Variants in GLIS3 observed in about 807,000 individuals in gnomAD.
The protein encoded by GLIS3 is zinc finger protein GLIS3.
GLIS3 carries 53 observed loss-of-function variants against 78.6 expected under a neutral mutation model. That is an observed-to-expected ratio of 0.67 (90% CI 0.54 to 0.85). The LOEUF is 0.85. GLIS3 is among the 40% of genes least tolerant of loss of function. The pLI, the probability that GLIS3 is intolerant of heterozygous loss-of-function variation, is 0.00. For missense variants in GLIS3, 1,703 were observed against 1,231.1 expected, an observed-to-expected ratio of 1.38 and a Z score of -5.74; for synonymous variants, 684 against 509.9, an observed-to-expected ratio of 1.34 and a Z score of -4.60.
intron 2 of GLIS3, among the ~76,000 whole-genome samples, chr9:4,203,958 G>C (rs1586967447): frequency 6.6e-6 from 1 of 152,224 alleles, no homozygotes; most frequent in African/African-American, 2.4e-5. Flanking sequence ...GACTACTACA[G>C]TGGGGAAAGA....
At chr9:4,366,977 C>A in the GLIS3 span, among the ~76,000 whole-genome samples, 1 of 152,226 alleles carries the variant, frequency 6.6e-6, no homozygotes, top group East Asian at 1.9e-4. Flanking sequence ...GACATCCATC[C>A]CTGAATTCCG....
At chr9:4,165,423 A>G (rs1835805426) in intron 2 of GLIS3, among the ~76,000 whole-genome samples, 1 of 152,248 alleles carries the variant, frequency 6.6e-6, no homozygotes, top group Admixed American at 6.5e-5. Context: ...CCTAGGCAAC[A>G]GGAGCGAAAC....
intron 2 of GLIS3, among the ~76,000 whole-genome samples, chr9:4,336,899 G>T (rs954557832): frequency 6.6e-6 from 1 of 152,182 alleles, no homozygotes; most frequent in Non-Finnish European, 1.5e-5. Context: ...CATATATTCT[G>T]ATAAGGAAGA....
intron 4 of GLIS3, among the ~76,000 whole-genome samples, chr9:4,090,264 A>G (rs978707946): frequency 6.6e-6 from 1 of 152,172 alleles, no homozygotes; most frequent in Non-Finnish European, 1.5e-5. Flanking sequence ...TCCTGCCTAC[A>G]GCCCAACAGA....
chr9:3,930,967 T>C (rs958447361), intron 6 of GLIS3, among the ~76,000 whole-genome samples: 1 of 152,220 alleles, frequency 6.6e-6, no homozygotes, highest in Non-Finnish European at 1.5e-5. Context: ...TTAAGAAGAC[T>C]AAGCACTTGC....
intron 2 of GLIS3, among the ~76,000 whole-genome samples, chr9:4,220,313 A>G (rs1464181235): frequency 6.6e-6 from 1 of 152,230 alleles, no homozygotes; most frequent in Non-Finnish European, 1.5e-5. Context: ...TTGATGAGCA[A>G]TAAGATATTT....
At chr9:4,390,958 G>C in the GLIS3 span, among the ~76,000 whole-genome samples, 6 of 152,024 alleles carry the variant, frequency 3.9e-5, no homozygotes, top group African/African-American at 1.2e-4. Flanking sequence ...CTCCACATTG[G>C]GGCCTTTGAG....
chr9:4,356,621 G>A, the GLIS3 span, among the ~76,000 whole-genome samples: 1 of 152,132 alleles, frequency 6.6e-6, no homozygotes, highest in African/African-American at 2.4e-5. Flanking sequence ...AAAATACAAA[G>A]GGAACACAGC....
chr9:3,884,382 ACC>A (rs891888477), intron 7 of GLIS3, among the ~76,000 whole-genome samples: 24 of 151,918 alleles, frequency 1.6e-4, no homozygotes, highest in Admixed American at 2.0e-4. Flanking sequence ...AAGGATGAAG[ACC>A]TCCCTTGTCA....
At chr9:4,230,307 A>C (rs955438300) in intron 2 of GLIS3, among the ~76,000 whole-genome samples, 1 of 152,260 alleles carries the variant, frequency 6.6e-6, no homozygotes, top group Non-Finnish European at 1.5e-5. Context: ...ACCGAACTGC[A>C]GGCCAGAAGC....
chr9:4,408,947 A>T, the GLIS3 span, among the ~76,000 whole-genome samples: 2 of 151,976 alleles, frequency 1.3e-5, no homozygotes, highest in Non-Finnish European at 2.9e-5. Context: ...AATATCTCAT[A>T]TACCCCACAC....
the GLIS3 span, among the ~76,000 whole-genome samples, chr9:4,408,515 T>C: frequency 6.6e-6 from 1 of 150,586 alleles, no homozygotes; most frequent in Non-Finnish European, 1.5e-5. Flanking sequence ...GATCACAAGG[T>C]CAGGAGATCG....
At chr9:3,870,645 C>A (rs539194314) in intron 8 of GLIS3, among the ~76,000 whole-genome samples, 1 of 152,280 alleles carries the variant, frequency 6.6e-6, no homozygotes, top group South Asian at 2.1e-4. Flanking sequence ...CATCAGGTCT[C>A]GTGAGACTTA....
chr9:4,138,623 A>T, intron 2 of GLIS3, among the ~76,000 whole-genome samples: 1 of 152,164 alleles, frequency 6.6e-6, no homozygotes, highest in East Asian at 1.9e-4. Flanking sequence ...AGCCGTAAAG[A>T]ATGAGACACT....
intron 4 of GLIS3, among the ~76,000 whole-genome samples, chr9:3,991,683 A>AAT (rs1265317427): frequency 8.0e-5 from 7 of 87,902 alleles, no homozygotes; most frequent in South Asian, 4.7e-4. Flanking sequence ...AAGTAGGCTG[A>AAT]TTTTTTTTTT....
rs143209112 is a variant in GLIS3, at chr9:3,977,097, C to G, written c.1711-39908G>C. Among the ~76,000 whole-genome samples, 5 of 152,248 alleles carry G rather than the reference C, an allele frequency of 3.3e-5. No homozygotes were observed. Among genetic ancestry groups the G allele is most frequent in the Non-Finnish European group, 7.4e-5 (5 of 68,026 alleles). ...TGCAGTTTGTTCAGCAGGCTCTGAACTGCATACTGCTAGTTGATGACCAGT... is the reference window on the plus strand; with the variant it reads ...TGCAGTTTGTTCAGCAGGCTCTGAAGTGCATACTGCTAGTTGATGACCAGT... On this transcript the variant is annotated intron_variant, in intron 4 of 10. Coordinates refer to ENST00000381971, the MANE Select transcript of GLIS3 (RefSeq NM_001042413.2). The surrounding 1 kb of genome is among the most constrained non-coding windows in gnomAD (Gnocchi z 4.1).
intron 4 of GLIS3, among the ~76,000 whole-genome samples, chr9:4,076,804 C>G (rs111985285): frequency 0.011 from 1,723 of 152,302 alleles, 38 homozygotes; most frequent in African/African-American, 0.04. Flanking sequence ...CACCTGCAAT[C>G]TCAGCATTTT....
At chr9:3,879,074 G>A (rs190803662) in intron 8 of GLIS3, among the ~76,000 whole-genome samples, 1 of 152,052 alleles carries the variant, frequency 6.6e-6, no homozygotes, top group East Asian at 1.9e-4. Flanking sequence ...TGTGGCGAGG[G>A]CACCATCTGA....
intron 4 of GLIS3, among the ~76,000 whole-genome samples, chr9:4,105,613 AT>A (rs1830690415): frequency 6.6e-6 from 1 of 152,116 alleles, no homozygotes; most frequent in Admixed American, 6.5e-5. Flanking sequence ...ACCAAGATCT[AT>A]TTTCCTGACT....
Sources: gnomAD v4.1 joint callset for allele counts (sites outside exome capture counted in the v4.1 genomes callset) on GRCh38, gnomAD v4.1.1 for gene constraint, Gnocchi (gnomAD v3.1) non-coding constraint, MANE v1.5 for transcripts, NCBI Gene and HGNC (gene_info 2026-07-23, HGNC 2026-07-21) for gene names.